The following TCP11L2 variants were observed in gnomAD, a reference collection of about 807,000 sequenced individuals.
TCP11L2 encodes t-complex 11 like 2.
In TCP11L2, 39 loss-of-function variants were observed where a neutral mutation model predicts 50.7. The observed-to-expected ratio is 0.77, with a 90% CI of 0.60 to 1.01. The LOEUF is 1.01. TCP11L2 is among the 50% of genes least tolerant of loss of function. TCP11L2 has a pLI of 0.00. For synonymous variants in TCP11L2, 192 were observed against 219.3 expected, an observed-to-expected ratio of 0.88 and a Z score of 1.10; for missense variants, 612 against 614.7, an observed-to-expected ratio of 1.00 and a Z score of 0.05.
At chr12:106,329,449 G>A (rs574083796) in intron 6 of TCP11L2, 53 of 1,533,746 alleles carry the variant, frequency 3.5e-5, no homozygotes, top group Non-Finnish European at 4.4e-5. Flanking sequence ...AAGAGCCAAC[G>A]TTTCACTCTA....
intron 6 of TCP11L2, chr12:106,329,790 G>C (rs545263920): frequency 1.0e-6 from 1 of 990,892 alleles, no homozygotes; most frequent in Non-Finnish European, 1.2e-6. Flanking sequence ...ATTTCCACTC[G>C]CGCTCTCTCA....
At chr12:106,312,841 C>G (rs954598841) in intron 2 of TCP11L2, among the ~76,000 whole-genome samples, 1 of 151,954 alleles carries the variant, frequency 6.6e-6, no homozygotes, top group Non-Finnish European at 1.5e-5. Flanking sequence ...AAGATTGCAC[C>G]ACTGCACTCC....
chr12:106,333,312 T>A (rs1486597425), intron 6 of TCP11L2, among the ~76,000 whole-genome samples: 1 of 152,342 alleles, frequency 6.6e-6, no homozygotes, highest in Admixed American at 6.5e-5. Context: ...TTTCAAAATT[T>A]AAAAGTTATT....
At chr12:106,299,118 T>C (rs1433003212), upstream of TCP11L2, among the ~76,000 whole-genome samples, 1 of 152,076 alleles carries the variant, frequency 6.6e-6, no homozygotes, top group Non-Finnish European at 1.5e-5. Flanking sequence ...GCCCAGCCCA[T>C]TTTTTTGCTT....
At chr12:106,318,896 ATTTT>A (rs1181792658) in intron 4 of TCP11L2, among the ~76,000 whole-genome samples, 2 of 85,488 alleles carry the variant, frequency 2.3e-5, no homozygotes, top group Admixed American at 1.3e-4. Flanking sequence ...ATTTTATTTT[ATTTT>A]TTTTTTTTTT....
At chr12:106,319,065 C>T (rs2035228868) in intron 4 of TCP11L2, among the ~76,000 whole-genome samples, 1 of 152,164 alleles carries the variant, frequency 6.6e-6, no homozygotes, top group East Asian at 1.9e-4. Context: ...GCGCCCGCCA[C>T]CGCGCCCAGC....
intron 6 of TCP11L2, chr12:106,329,913 T>G: frequency 5.1e-6 from 5 of 985,856 alleles, no homozygotes; most frequent in Non-Finnish European, 6.0e-6. Flanking sequence ...TGTGAAATTC[T>G]GGGGGTGGTG....
chr12:106,299,260 G>A (rs183052377), upstream of TCP11L2, among the ~76,000 whole-genome samples: 5 of 152,148 alleles, frequency 3.3e-5, no homozygotes, highest in Admixed American at 1.3e-4. Flanking sequence ...TAAGACCTGG[G>A]ATACACCAAG....
At chr12:106,318,310 T>C in intron 3 of TCP11L2, 34 bp from the exon 4 acceptor site, 5 of 1,603,614 alleles carry the variant, frequency 3.1e-6, no homozygotes, top group Non-Finnish European at 4.3e-6. Context: ...AAAGTTATGC[T>C]TATTTTAAAA....
intron 6 of TCP11L2, among the ~76,000 whole-genome samples, chr12:106,331,537 C>T (rs564327042): frequency 6.6e-6 from 1 of 152,324 alleles, no homozygotes; most frequent in East Asian, 1.9e-4. Flanking sequence ...ACAGAGTTTA[C>T]AGTTGCTAAC....
At chr12:106,308,478 C>T (rs1161510332) in intron 1 of TCP11L2, among the ~76,000 whole-genome samples, 1 of 152,206 alleles carries the variant, frequency 6.6e-6, no homozygotes, top group Non-Finnish European at 1.5e-5. Flanking sequence ...ACAGTTAAAA[C>T]TATTAAGCTA....
intron 3 of TCP11L2, among the ~76,000 whole-genome samples, chr12:106,317,014 C>G (rs1415056839): frequency 6.6e-6 from 1 of 152,192 alleles, no homozygotes; most frequent in African/African-American, 2.4e-5. Context: ...TTGCTGAGAC[C>G]ATACCTGAAC....
intron 2 of TCP11L2, among the ~76,000 whole-genome samples, chr12:106,312,777 G>A (rs2034911606): frequency 6.6e-6 from 1 of 152,144 alleles, no homozygotes; most frequent in South Asian, 2.1e-4. Flanking sequence ...AGCTACTTGG[G>A]AGGCTGAGGC....
chr12:106,335,509 A>G (rs1396671188), intron 6 of TCP11L2, 130 bp from the exon 7 acceptor site: 9 of 867,188 alleles, frequency 1.0e-5, no homozygotes, highest in African/African-American at 1.7e-5. Flanking sequence ...TCTGGACTGT[A>G]AACTCCTTGC....
Position 106,340,809 on chromosome 12 carries a change from C to T in TCP11L2, c.1143-17C>T, listed in dbSNP as rs140804612. ...ACAAAAACTTTCCCTGGTGGAATTTCATTTTATGTTTCATAGGACCTTTAA... is the reference window on the plus strand; with the variant it reads ...ACAAAAACTTTCCCTGGTGGAATTTTATTTTATGTTTCATAGGACCTTTAA... On this transcript the variant is annotated splice_polypyrimidine_tract_variant and intron_variant, in intron 8 of 9. Transcript: ENST00000299045. 2.8e-4 allele frequency: 429 copies of T among 1,551,648 alleles called. No individual in the cohort carries two copies. Among genetic ancestry groups the T allele is most frequent in the Non-Finnish European group, 3.5e-4 (402 of 1,154,178 alleles).
chr12:106,326,010 T>C (rs2035532602), intron 6 of TCP11L2: 1 of 151,660 alleles, frequency 6.6e-6, no homozygotes, highest in Admixed American at 6.6e-5. Context: ...CCCAGTGAAG[T>C]AGGTACTGTT....
At chr12:106,343,146 A>T (rs1263325390) in intron 9 of TCP11L2, among the ~76,000 whole-genome samples, 3 of 152,204 alleles carry the variant, frequency 2.0e-5, no homozygotes, top group Non-Finnish European at 4.4e-5. Context: ...TCCTAACTTT[A>T]CAAACACTCC....
intron 1 of TCP11L2, among the ~76,000 whole-genome samples, chr12:106,307,965 A>G (rs2034697795): frequency 6.6e-6 from 1 of 152,246 alleles, no homozygotes; most frequent in Non-Finnish European, 1.5e-5. Context: ...ATATGAGGAA[A>G]CAGACAAATT....
chr12:106,332,197 A>G (rs1192857950), intron 6 of TCP11L2, among the ~76,000 whole-genome samples: 1 of 152,212 alleles, frequency 6.6e-6, no homozygotes, highest in Non-Finnish European at 1.5e-5. Context: ...AATTATATAA[A>G]TTTACAATTA....
Sources: gnomAD v4.1 joint callset for allele counts (sites outside exome capture counted in the v4.1 genomes callset) on GRCh38, gnomAD v4.1.1 for gene constraint, MANE v1.5 for transcripts, NCBI Gene and HGNC (gene_info 2026-07-23, HGNC 2026-07-21) for gene names.